Variants in TTC27 observed in about 807,000 individuals in gnomAD.
The protein encoded by TTC27 is tetratricopeptide repeat domain 27.
Under a neutral mutation model 115.9 loss-of-function variants are expected in TTC27, and 79 were observed. The ratio of observed to expected loss-of-function variants is 0.68; its 90% confidence interval spans 0.57 to 0.82. The LOEUF (loss-of-function observed/expected upper bound fraction) is 0.82, where lower values mean the gene tolerates loss of function less well. Among genes scored for constraint, TTC27 ranks in the 40% least tolerant of loss-of-function variants. The pLI, the probability that TTC27 is intolerant of heterozygous loss-of-function variation, is 0.00. For synonymous variants in TTC27, 401 were observed against 356.0 expected, an observed-to-expected ratio of 1.13 and a Z score of -1.42; for missense variants, 1,054 against 993.1, an observed-to-expected ratio of 1.06 and a Z score of -0.82.
At chr2:32,628,762 T>G (rs1345768318) in intron 1 of TTC27, among the ~76,000 whole-genome samples, 1 of 151,416 alleles carries the variant, frequency 6.6e-6, no homozygotes, top group Non-Finnish European at 1.5e-5. Context: ...TATTTATTTA[T>G]TTATTTATTT....
chr2:32,782,156 A>C (rs1322595429), intron 14 of TTC27, among the ~76,000 whole-genome samples: 1 of 152,340 alleles, frequency 6.6e-6, no homozygotes, highest in East Asian at 1.9e-4. Flanking sequence ...TGGGTAGAGG[A>C]ATAGGTAGAG....
At chr2:32,699,862 A>G (rs1667121825) in intron 9 of TTC27, among the ~76,000 whole-genome samples, 2 of 152,222 alleles carry the variant, frequency 1.3e-5, no homozygotes, top group Non-Finnish European at 2.9e-5. Flanking sequence ...TGACCTTCAA[A>G]TAAAAATCTT....
chr2:32,756,606 CACAAAAA>C (rs1398376977), intron 12 of TTC27, among the ~76,000 whole-genome samples: 9 of 152,284 alleles, frequency 5.9e-5, no homozygotes, highest in African/African-American at 1.9e-4. Flanking sequence ...TAAAAGAGTT[CACAAAAA>C]TTAGACTGCT....
intron 16 of TTC27, among the ~76,000 whole-genome samples, chr2:32,795,626 C>T (rs1353009403): frequency 6.6e-6 from 1 of 150,720 alleles, no homozygotes; most frequent in Non-Finnish European, 1.5e-5. Context: ...GATCTCTGCT[C>T]ACTGCAACTT....
At position 32,644,558 on chromosome 2, in the gene TTC27, A is replaced by G. The variant is rs555374839; in HGVS notation, c.537+4148A>G. Reference sequence around the variant, plus strand: ...GTTTTCCTGTAGTATATTACTATGTATACCTCATTTTGTGCTGAAATTTTG... The same window carrying G: ...GTTTTCCTGTAGTATATTACTATGTGTACCTCATTTTGTGCTGAAATTTTG... On this transcript the variant is annotated intron_variant, in intron 4 of 19. Transcript: ENST00000317907. Among the ~76,000 whole-genome samples, 8 of 152,102 alleles carry G rather than the reference A, an allele frequency of 5.3e-5. No homozygotes were observed. The South Asian group carries it at 1.7e-3, about 32-fold the overall frequency.
At chr2:32,667,186 A>G (rs1665812585) in intron 7 of TTC27, among the ~76,000 whole-genome samples, 1 of 152,030 alleles carries the variant, frequency 6.6e-6, no homozygotes, top group Non-Finnish European at 1.5e-5. Context: ...ATATATAAAC[A>G]TTATCAGAAT....
intron 3 of TTC27, among the ~76,000 whole-genome samples, chr2:32,638,404 A>G (rs1664506078): frequency 2.0e-5 from 3 of 152,176 alleles, no homozygotes; most frequent in Admixed American, 1.3e-4. Context: ...TTTCTAAGGC[A>G]GTCTCGCTCT....
chr2:32,734,578 G>A (rs1329341132), intron 11 of TTC27, among the ~76,000 whole-genome samples: 3 of 152,112 alleles, frequency 2.0e-5, no homozygotes, highest in Admixed American at 6.6e-5. Flanking sequence ...TGGGGATTCT[G>A]GCCCCTTGTC....
intron 8 of TTC27, among the ~76,000 whole-genome samples, chr2:32,672,889 T>C (rs1666061822): frequency 6.6e-6 from 1 of 152,216 alleles, no homozygotes; most frequent in South Asian, 2.1e-4. Flanking sequence ...TTAGTGTATA[T>C]TTCCAACAAA....
At chr2:32,811,298 A>T in intron 17 of TTC27, 77 bp downstream of exon 17, 1 of 1,345,942 alleles carries the variant, frequency 7.4e-7, no homozygotes, top group Non-Finnish European at 1.0e-6. Flanking sequence ...TGATGGGTGG[A>T]GGAAGAGTTT....
At chr2:32,726,859 C>G (rs987686114) in intron 10 of TTC27, among the ~76,000 whole-genome samples, 1 of 152,178 alleles carries the variant, frequency 6.6e-6, no homozygotes, top group Non-Finnish European at 1.5e-5. Context: ...GGAGGCCTCA[C>G]AATCATGGTG....
chr2:32,647,296 C>T (rs921504429), intron 4 of TTC27, among the ~76,000 whole-genome samples: 1 of 151,980 alleles, frequency 6.6e-6, no homozygotes, highest in Admixed American at 6.6e-5. Flanking sequence ...TATCTAAATT[C>T]CCATGTCTAG....
At chr2:32,711,721 C>T (rs1667586778) in intron 10 of TTC27, among the ~76,000 whole-genome samples, 1 of 152,032 alleles carries the variant, frequency 6.6e-6, no homozygotes, top group Non-Finnish European at 1.5e-5. Flanking sequence ...GTGTGGATCA[C>T]CTGAGGTCAG....
At chr2:32,809,169 ACTC>A (rs1431910393) in intron 16 of TTC27, among the ~76,000 whole-genome samples, 1 of 152,130 alleles carries the variant, frequency 6.6e-6, no homozygotes, top group African/African-American at 2.4e-5. Flanking sequence ...AGGAGCCCCT[ACTC>A]CTCAGCCACA....
Position 32,628,356 on chromosome 2 carries a change from A to G in TTC27, c.64A>G (p.Lys22Glu), listed in dbSNP as rs1203026880. ...CACTGAGGCTGAGCGGCAGCAATGG[A>G]AACAGGAGGGGGTCGTCGGTTCAGG... ...FPTEAERQQW[K>E]QEGVVGSESG... is the part of the protein sequence containing the mutation. The change falls in exon 1 of 20, where the codon AAA becomes GAA. Residue 22 changes from lysine to glutamate, a missense_variant. By Grantham distance (56) the Lys-to-Glu change is moderately conservative (BLOSUM62 1). Coordinates refer to ENST00000317907, the MANE Select transcript of TTC27 (RefSeq NM_017735.5). 3.1e-6 allele frequency: 5 copies of G among 1,606,324 alleles called. No homozygotes were observed. The highest frequency in any genetic ancestry group is 4.2e-6 in the Non-Finnish European group (5 of 1,177,504).
chr2:32,688,556 C>T (rs1041622298), intron 9 of TTC27, among the ~76,000 whole-genome samples: 2 of 151,992 alleles, frequency 1.3e-5, no homozygotes, highest in Non-Finnish European at 2.9e-5. Context: ...GCATAAAGAC[C>T]CCTTTCAACT....
intron 16 of TTC27, among the ~76,000 whole-genome samples, chr2:32,802,101 G>T (rs1276709159): frequency 6.6e-6 from 1 of 151,182 alleles, no homozygotes; most frequent in East Asian, 1.9e-4. Flanking sequence ...ATCCGCAAGG[G>T]TGTCCAGAAC....
chr2:32,692,418 G>A (rs1348635382), intron 9 of TTC27, among the ~76,000 whole-genome samples: 1 of 152,094 alleles, frequency 6.6e-6, no homozygotes, highest in Non-Finnish European at 1.5e-5. Context: ...GGGGCTGGGG[G>A]AAGGGGGATT....
At position 32,758,224 on chromosome 2, in the gene TTC27, A is replaced by G. The variant is rs551651765; in HGVS notation, c.1453-68A>G. 13 of 1,386,604 alleles carry G rather than the reference A, an allele frequency of 9.4e-6. No homozygotes were observed. In the Admixed American group the frequency reaches 1.0e-4, roughly 11 times the overall value. 85.9% of individuals were successfully genotyped at this position (1,386,604 alleles called of 1,614,324 possible). Reference sequence around the variant, plus strand: ...TTGGATTGTGTGAGATTAAAGATGTATATGTGCTAAAAAAAAAAATAGCAG... The same window carrying G: ...TTGGATTGTGTGAGATTAAAGATGTGTATGTGCTAAAAAAAAAAATAGCAG... On this transcript the variant is annotated intron_variant, in intron 12 of 19. Transcript: ENST00000317907.
Sources: gnomAD v4.1 joint callset for allele counts (sites outside exome capture counted in the v4.1 genomes callset) on GRCh38, gnomAD v4.1.1 for gene constraint, MANE v1.5 for transcripts, NCBI Gene and HGNC (gene_info 2026-07-23, HGNC 2026-07-21) for gene names.